FLT3LG: variants seen among roughly 807,000 people sequenced by gnomAD.
The protein encoded by FLT3LG is fms related receptor tyrosine kinase 3 ligand.
Under a neutral mutation model 30.9 loss-of-function variants are expected in FLT3LG, and 8 were observed. That is an observed-to-expected ratio of 0.26 (90% CI 0.15 to 0.47). FLT3LG has a LOEUF of 0.47. FLT3LG is among the 20% of genes least tolerant of loss of function. The pLI is 0.99. For missense variants in FLT3LG, 278 were observed against 306.2 expected, an observed-to-expected ratio of 0.91 and a Z score of 0.69; for synonymous variants, 123 against 135.9, an observed-to-expected ratio of 0.91 and a Z score of 0.66.
intron 6 of FLT3LG, 47 bp downstream of exon 6, chr19:49,479,094 G>A (rs979987941): frequency 6.4e-7 from 1 of 1,562,668 alleles, no homozygotes; most frequent in Admixed American, 1.8e-5. Context: ...TGTCCTCACG[G>A]CCGCTCCTCC....
intron 8 of FLT3LG, 156 bp downstream of exon 8, chr19:49,480,776 A>C: frequency 1.4e-6 from 1 of 723,880 alleles, no homozygotes. Context: ...TCACGCCTGT[A>C]ATCCCAGCAC....
intron 5 of FLT3LG, 111 bp from the exon 6 acceptor site, chr19:49,478,798 A>C: frequency 1.0e-6 from 1 of 957,878 alleles, no homozygotes; most frequent in Non-Finnish European, 1.5e-6. Flanking sequence ...TCTGAGAGCC[A>C]GAGCTCACTG....
chr19:49,474,437 TGAA>T (rs2079302039), intron 1 of FLT3LG, 156 bp downstream of exon 1: 5 of 615,470 alleles, frequency 8.1e-6, no homozygotes, highest in East Asian at 2.8e-5. Context: ...GAAGTGGAGA[TGAA>T]GAGTTTTCAC....
At chr19:49,479,145 G>T in intron 6 of FLT3LG, 98 bp downstream of exon 6, 4 of 1,140,484 alleles carry the variant, frequency 3.5e-6, no homozygotes, top group Non-Finnish European at 4.7e-6. Flanking sequence ...TTCTCATATT[G>T]GTTGTGACAA....
chr19:49,485,087 GAAGTTT>G (rs1161893066), intron 8 of FLT3LG, among the ~76,000 whole-genome samples: 53 of 151,702 alleles, frequency 3.5e-4, no homozygotes, highest in African/African-American at 1.2e-3. Context: ...TGTCTCAAAA[GAAGTTT>G]AAGTCCAGCC....
intron 5 of FLT3LG, among the ~76,000 whole-genome samples, chr19:49,478,399 G>A (rs1017370743): frequency 7.3e-5 from 11 of 150,788 alleles, no homozygotes; most frequent in Admixed American, 7.3e-4. Context: ...ACCAGGAGGC[G>A]GAGCTTGCAG....
intron 8 of FLT3LG, among the ~76,000 whole-genome samples, chr19:49,483,348 C>T (rs2079680776): frequency 6.6e-6 from 1 of 151,808 alleles, no homozygotes; most frequent in Non-Finnish European, 1.5e-5. Context: ...CATCCCCTGA[C>T]CTCGTGATCC....
intron 5 of FLT3LG, among the ~76,000 whole-genome samples, chr19:49,477,925 A>C (rs2079450870): frequency 6.6e-6 from 1 of 151,584 alleles, no homozygotes; most frequent in African/African-American, 2.4e-5. Flanking sequence ...GCGCGCCTGT[A>C]GTCCCAGCTA....
intron 8 of FLT3LG, among the ~76,000 whole-genome samples, chr19:49,484,109 T>C (rs1207396818): frequency 4.0e-5 from 6 of 150,508 alleles, no homozygotes; most frequent in Non-Finnish European, 8.9e-5. Context: ...TGTCTCGATC[T>C]CTTGACCTCG....
intron 5 of FLT3LG, among the ~76,000 whole-genome samples, chr19:49,477,119 T>C (rs952579066): frequency 6.6e-6 from 1 of 151,132 alleles, no homozygotes; most frequent in Admixed American, 6.6e-5. Flanking sequence ...AGTGAAACTG[T>C]CTCAAAAACA....
Position 49,479,097 on chromosome 19 carries a change from G to A in FLT3LG, c.481+50G>A, listed in dbSNP as rs775989477. 21 of 1,552,562 alleles carry A rather than the reference G, an allele frequency of 1.4e-5. No homozygotes were observed. The African/African-American group carries it at 1.9e-4, about 14-fold the overall frequency. On this transcript the variant is annotated intron_variant, in intron 6 of 8. Coordinates refer to ENST00000597551, the MANE Select transcript of FLT3LG (RefSeq NM_001459.4). ...TCCTTCCCCTCCTGTCCTCACGGCC[G>A]CTCCTCCTCTCTGCACAGTGCATCC...
intron 5 of FLT3LG, among the ~76,000 whole-genome samples, chr19:49,478,390 C>G (rs2079471815): frequency 6.6e-6 from 1 of 152,020 alleles, no homozygotes; most frequent in Non-Finnish European, 1.5e-5. Context: ...TGGCGTGAAA[C>G]CAGGAGGCGG....
intron 2 of FLT3LG, 31 bp from the exon 3 acceptor site, chr19:49,475,660 G>A (rs750600666): frequency 6.1e-5 from 98 of 1,597,582 alleles, no homozygotes; most frequent in Non-Finnish European, 8.3e-5. Flanking sequence ...TGGAACAGCA[G>A]AGGGCTCCCC....
intron 8 of FLT3LG, among the ~76,000 whole-genome samples, chr19:49,482,786 C>G (rs1465298555): frequency 1.3e-5 from 2 of 151,946 alleles, no homozygotes; most frequent in Non-Finnish European, 2.9e-5. Flanking sequence ...CGCCATCACG[C>G]CCGGCTAATT....
Position 49,476,003 on chromosome 19 carries a change from G to C in FLT3LG, c.145-142G>C. On this transcript the variant is annotated intron_variant, in intron 3 of 8. Coordinates refer to ENST00000597551, the MANE Select transcript of FLT3LG (RefSeq NM_001459.4). This position sits in a 1 kb window ranked among gnomAD's most constrained non-coding sequence, Gnocchi z 5.3. Reference sequence around the variant, plus strand: ...GCTTAGGGGTGTCATCCCTTTTTAAGGGCAAGGTTCTGTGGCTTCTTCTGG... The same window carrying C: ...GCTTAGGGGTGTCATCCCTTTTTAACGGCAAGGTTCTGTGGCTTCTTCTGG... 1 of 1,092,214 alleles carries C rather than the reference G, an allele frequency of 9.2e-7. No homozygotes were observed. Among genetic ancestry groups the C allele is most frequent in the Non-Finnish European group, 1.4e-6 (1 of 722,480 alleles). The allele number at this position is 1,092,214 out of a possible 1,614,324, so 67.7% of individuals were successfully genotyped here. A position where few individuals can be genotyped will look rare whatever the true frequency, so the allele number is the denominator to read the frequency against.
chr19:49,484,643 C>T (rs1351903502), intron 8 of FLT3LG, among the ~76,000 whole-genome samples: 1 of 151,800 alleles, frequency 6.6e-6, no homozygotes, highest in Non-Finnish European at 1.5e-5. Flanking sequence ...ATTACAGGCA[C>T]ACACCACCAC....
At chr19:49,482,593 C>A (rs2079650788) in intron 8 of FLT3LG, among the ~76,000 whole-genome samples, 1 of 151,852 alleles carries the variant, frequency 6.6e-6, no homozygotes, top group Admixed American at 6.6e-5. Flanking sequence ...GGCATGTGAG[C>A]CACCTGTGCG....
chr19:49,478,929 C>T lies in FLT3LG; in HGVS notation c.363C>T (p.Arg121=). The change falls in exon 6 of 9, where the codon CGC becomes CGT. Residue 121 remains arginine (R), a synonymous_variant. Coordinates refer to ENST00000597551, the MANE Select transcript of FLT3LG (RefSeq NM_001459.4). The part of the protein sequence containing the change: ...CAFQPPPSCL[R]FVQTNISRLL... ...CCCAGCCCCCCCCCAGCTGTCTTCG[C>T]TTCGTCCAGACCAACATCTCCCGCC... is the stretch of plus-strand genomic sequence containing the variant. 1.9e-6 allele frequency: 3 copies of T among 1,549,742 alleles called. No homozygotes were observed. The highest frequency in any genetic ancestry group is 2.6e-6 in the Non-Finnish European group (3 of 1,146,610).
chr19:49,484,865 G>A lies in FLT3LG; in HGVS notation c.*22-1150G>A, dbSNP rs138007577. Reference sequence around the variant, plus strand: ...CACACCTGTAACTCCTTGGCAGATCGCTTGAGCCTAAGAGTTCAAGACCAG... The same window carrying A: ...CACACCTGTAACTCCTTGGCAGATCACTTGAGCCTAAGAGTTCAAGACCAG... On this transcript the variant is annotated intron_variant, in intron 8 of 8. Coordinates refer to ENST00000597551, the MANE Select transcript of FLT3LG (RefSeq NM_001459.4). 2.5e-3 allele frequency among the ~76,000 whole-genome samples: 373 copies of A among 152,116 alleles called. 2 individuals carry two copies. Among genetic ancestry groups the A allele is most frequent in the African/African-American group, 8.3e-3 (343 of 41,508 alleles).
Sources: gnomAD v4.1 joint callset for allele counts (sites outside exome capture counted in the v4.1 genomes callset) on GRCh38, gnomAD v4.1.1 for gene constraint, Gnocchi (gnomAD v3.1) non-coding constraint, MANE v1.5 for transcripts, NCBI Gene and HGNC (gene_info 2026-07-23, HGNC 2026-07-21) for gene names.